The following DPYD variants were observed in gnomAD, a reference collection of about 807,000 sequenced individuals.
DPYD encodes dihydropyrimidine dehydrogenase.
DPYD carries 109 observed loss-of-function variants against 116.2 expected under a neutral mutation model. That is an observed-to-expected ratio of 0.94 (90% CI 0.80 to 1.10). DPYD has a LOEUF of 1.10. Among genes scored for constraint, DPYD ranks in the 50% least tolerant of loss-of-function variants. The pLI is 0.00. For synonymous variants in DPYD, 440 were observed against 432.0 expected (o/e 1.02, Z -0.23); for missense variants, 1,302 against 1,254.5 (o/e 1.04, Z -0.57).
intron 19 of DPYD, among the ~76,000 whole-genome samples, chr1:97,232,016 C>T (rs1276184519): frequency 6.6e-6 from 1 of 152,170 alleles, no homozygotes; most frequent in Non-Finnish European, 1.5e-5. Context: ...CATATTCTTC[C>T]TTTCTTCTTG....
chr1:97,325,435 A>G (rs1668662254), intron 16 of DPYD, among the ~76,000 whole-genome samples: 1 of 152,016 alleles, frequency 6.6e-6, no homozygotes, highest in Non-Finnish European at 1.5e-5. Context: ...TTGAAAGTGA[A>G]TAATTTGTGG....
At chr1:97,248,476 C>T (rs949292185) in intron 18 of DPYD, among the ~76,000 whole-genome samples, 7 of 152,306 alleles carry the variant, frequency 4.6e-5, no homozygotes, top group Admixed American at 2.0e-4. Context: ...AATTAAACCT[C>T]TTTCTTTGGA....
At chr1:97,867,938 T>C (rs1671468214) in intron 2 of DPYD, among the ~76,000 whole-genome samples, 2 of 151,792 alleles carry the variant, frequency 1.3e-5, no homozygotes, top group African/African-American at 4.8e-5. Context: ...CAGTTGTGTG[T>C]TTGCAGGTGA....
intron 20 of DPYD, among the ~76,000 whole-genome samples, chr1:97,108,951 A>G (rs1356585732): frequency 6.6e-6 from 1 of 152,154 alleles, no homozygotes; most frequent in African/African-American, 2.4e-5. Flanking sequence ...GGGAGAAAAA[A>G]TAGAACCTTC....
rs547097520 is a variant in DPYD, at chr1:97,327,438, T to C, written c.2059-21141A>G. On this transcript the variant is annotated intron_variant, in intron 16 of 22. Transcript: ENST00000370192. Reference sequence around the variant, plus strand: ...TATTTTTCAAATGTTATTTTCCTGATTATAAAAAAAGTTCTTAATTATTGT... The same window carrying C: ...TATTTTTCAAATGTTATTTTCCTGACTATAAAAAAAGTTCTTAATTATTGT... Among the ~76,000 whole-genome samples, 3 of 152,064 alleles carry C rather than the reference T, an allele frequency of 2.0e-5. No individual in the cohort carries two copies. The East Asian group carries it at 5.8e-4, about 29-fold the overall frequency.
chr1:97,570,395 T>G (rs2102169720), intron 11 of DPYD, among the ~76,000 whole-genome samples: 1 of 152,126 alleles, frequency 6.6e-6, no homozygotes, highest in Admixed American at 6.6e-5. Context: ...TGTAATGCAT[T>G]TACCAAAGAT....
chr1:97,737,386 G>T (rs1365453119), intron 4 of DPYD, among the ~76,000 whole-genome samples: 1 of 152,048 alleles, frequency 6.6e-6, no homozygotes, highest in Non-Finnish European at 1.5e-5. Context: ...AAATTACTGG[G>T]TTATAAATTA....
intron 14 of DPYD, among the ~76,000 whole-genome samples, chr1:97,407,136 A>G (rs1174036143): frequency 6.6e-6 from 1 of 152,192 alleles, no homozygotes; most frequent in Non-Finnish European, 1.5e-5. Flanking sequence ...GTTAATAATT[A>G]ATGTAGTATT....
intron 20 of DPYD, among the ~76,000 whole-genome samples, chr1:97,123,457 T>C (rs895579392): frequency 6.6e-6 from 1 of 152,134 alleles, no homozygotes; most frequent in African/African-American, 2.4e-5. Flanking sequence ...GTTTGAAATA[T>C]AGTACCTTCA....
chr1:97,192,105 G>A (rs1275523112), intron 20 of DPYD, among the ~76,000 whole-genome samples: 1 of 151,740 alleles, frequency 6.6e-6, no homozygotes, highest in Non-Finnish European at 1.5e-5. Flanking sequence ...CATTACTCTT[G>A]AAGAAGGGTT....
intron 3 of DPYD, among the ~76,000 whole-genome samples, chr1:97,771,982 T>C (rs528843388): frequency 1.3e-5 from 2 of 152,194 alleles, no homozygotes; most frequent in Non-Finnish European, 1.5e-5. Flanking sequence ...ATTTAGTAAG[T>C]AGAAAAATAA....
chr1:97,318,461 A>G (rs1668005566), intron 16 of DPYD, among the ~76,000 whole-genome samples: 1 of 151,810 alleles, frequency 6.6e-6, no homozygotes, highest in Non-Finnish European at 1.5e-5. Flanking sequence ...TTGTAAACCA[A>G]CAAAGATCAA....
intron 8 of DPYD, among the ~76,000 whole-genome samples, chr1:97,625,069 G>A (rs1334950741): frequency 6.6e-6 from 1 of 151,948 alleles, no homozygotes; most frequent in Non-Finnish European, 1.5e-5. Context: ...GTTAATAACA[G>A]AATACTGTAC....
chr1:97,307,700 G>A (rs1465704866), intron 16 of DPYD, among the ~76,000 whole-genome samples: 1 of 151,868 alleles, frequency 6.6e-6, no homozygotes, highest in Non-Finnish European at 1.5e-5. Flanking sequence ...AGGGCATAGT[G>A]TGCATTATGA....
intron 19 of DPYD, among the ~76,000 whole-genome samples, chr1:97,224,500 T>A (rs1453344746): frequency 6.6e-6 from 1 of 151,928 alleles, no homozygotes; most frequent in Non-Finnish European, 1.5e-5. Context: ...CAGCAACATT[T>A]TTTTTCTGGT....
intron 12 of DPYD, among the ~76,000 whole-genome samples, chr1:97,544,774 A>T (rs1650703061): frequency 6.6e-6 from 1 of 152,156 alleles, no homozygotes; most frequent in Admixed American, 6.6e-5. Context: ...ATTTTAATTT[A>T]AAATCTATAA....
chr1:97,560,972 G>A (rs1276127146), intron 11 of DPYD, among the ~76,000 whole-genome samples: 2 of 152,276 alleles, frequency 1.3e-5, no homozygotes, highest in East Asian at 1.9e-4. Flanking sequence ...CACGTGAGGA[G>A]TAGAAGGAAG....
At chr1:97,747,894 G>A (rs993077756) in intron 3 of DPYD, among the ~76,000 whole-genome samples, 11 of 152,216 alleles carry the variant, frequency 7.2e-5, no homozygotes, top group African/African-American at 2.4e-4. Context: ...TGCAAATGGG[G>A]ATAACTTGTA....
chr1:97,140,101 G>A (rs569026691), intron 20 of DPYD, among the ~76,000 whole-genome samples: 1 of 151,896 alleles, frequency 6.6e-6, no homozygotes, highest in Admixed American at 6.6e-5. Context: ...GCTGACTGTA[G>A]TGATACCAGT....
Sources: allele counts gnomAD v4.1 joint callset (sites outside exome capture counted in the v4.1 genomes callset), GRCh38; gene constraint gnomAD v4.1.1; transcripts MANE v1.5; gene names NCBI Gene and HGNC (gene_info 2026-07-23, HGNC 2026-07-21).